COL26A1: variants seen among roughly 807,000 people sequenced by gnomAD.
COL26A1 encodes the protein collagen alpha-1(XXVI) chain.
Under a neutral mutation model 59.3 loss-of-function variants are expected in COL26A1, and 41 were observed. That is an observed-to-expected ratio of 0.69 (90% CI 0.54 to 0.90). The LOEUF is 0.90. Ranked by LOEUF, COL26A1 falls within the 40% of genes least tolerant of loss-of-function variation. The probability of loss-of-function intolerance (pLI) is 0.00; values close to 1 mark genes in which losing one functional copy is unlikely to be tolerated. For missense variants in COL26A1, 612 were observed against 602.3 expected (o/e 1.02, Z -0.17); for synonymous variants, 266 against 256.0 (o/e 1.04, Z -0.37).
intron 3 of COL26A1, among the ~76,000 whole-genome samples, chr7:101,495,697 G>A (rs1187324469): frequency 6.6e-6 from 1 of 151,118 alleles, no homozygotes; most frequent in Non-Finnish European, 1.5e-5. Context: ...GGGATTACAG[G>A]CATGAGCCAC....
At chr7:101,371,954 C>T (rs1791204763) in intron 1 of COL26A1, among the ~76,000 whole-genome samples, 2 of 152,090 alleles carry the variant, frequency 1.3e-5, no homozygotes, top group Admixed American at 6.6e-5. Flanking sequence ...GTCTTTGTGC[C>T]TCAGTTTTCT....
At chr7:101,453,273 A>C (rs1793387936) in intron 3 of COL26A1, among the ~76,000 whole-genome samples, 1 of 152,206 alleles carries the variant, frequency 6.6e-6, no homozygotes, top group African/African-American at 2.4e-5. Flanking sequence ...AGGCTGAGGC[A>C]GGAGAATCAC....
At chr7:101,535,411 GC>G (rs1362746531) in intron 4 of COL26A1, among the ~76,000 whole-genome samples, 28 of 152,206 alleles carry the variant, frequency 1.8e-4, no homozygotes, top group Non-Finnish European at 4.0e-4. Flanking sequence ...CCTGGCCTCA[GC>G]CCAGTATTGT....
At chr7:101,486,188 T>C (rs918942311) in intron 3 of COL26A1, among the ~76,000 whole-genome samples, 73 of 148,462 alleles carry the variant, frequency 4.9e-4, no homozygotes, top group Admixed American at 9.4e-4. Flanking sequence ...AAAAAAAAAG[T>C]AGTCTCAGAT....
intron 3 of COL26A1, among the ~76,000 whole-genome samples, chr7:101,502,584 A>G (rs1213059946): frequency 2.0e-5 from 3 of 152,132 alleles, no homozygotes; most frequent in Non-Finnish European, 2.9e-5. Context: ...TGCTGTGGAG[A>G]ACACAGGACC....
chr7:101,549,163 GC>G lies in COL26A1; in HGVS notation c.941-5del. 2.9e-5 allele frequency: 46 copies of G among 1,575,762 alleles called. No individual in the cohort carries two copies. Among genetic ancestry groups the G allele is most frequent in the Non-Finnish European group, 4.0e-5 (46 of 1,161,620 alleles). Reference sequence around the variant, plus strand: ...GCCCCAGGTGACCATCTGTGACTCTGCCCACAGGTCCCCCTGGGCCTCGAGG... The same window carrying G: ...GCCCCAGGTGACCATCTGTGACTCTGCCACAGGTCCCCCTGGGCCTCGAGG... On this transcript the variant is annotated splice_region_variant and splice_polypyrimidine_tract_variant and intron_variant, in intron 8 of 12. Transcript: ENST00000313669.
At chr7:101,393,405 G>A (rs1180505651) in intron 1 of COL26A1, among the ~76,000 whole-genome samples, 1 of 152,152 alleles carries the variant, frequency 6.6e-6, no homozygotes, top group Non-Finnish European at 1.5e-5. Context: ...CAGCACGGGA[G>A]AAAGATGTGG....
In COL26A1 at chr7:101,489,830, CTTT is replaced by C. The variant is rs1563008154; in HGVS notation, c.385+42044_385+42046del. On this transcript the variant is annotated intron_variant, in intron 3 of 12. Coordinates refer to ENST00000313669, the MANE Select transcript of COL26A1 (RefSeq NM_001278563.3). ...TCTTTCTTTCTTTCTTTCTTTCTTT[CTTT>C]CTTTCTTTCTTTCTTTCTTTCTTTC... Among the ~76,000 whole-genome samples the C allele has an allele frequency of 2.4e-3, 28 of 11,570 alleles. 3 individuals are homozygous for C. The highest frequency in any genetic ancestry group is 5.9e-3 in the Admixed American group (6 of 1,022). 7.6% of individuals were successfully genotyped at this position (11,570 alleles called of 152,430 possible).
chr7:101,489,138 T>A (rs1205134072), intron 3 of COL26A1, among the ~76,000 whole-genome samples: 1 of 152,216 alleles, frequency 6.6e-6, no homozygotes, highest in African/African-American at 2.4e-5. Context: ...CTTTGACACA[T>A]GTTCATTTTC....
chr7:101,363,952 G>T (rs949754089), intron 1 of COL26A1, among the ~76,000 whole-genome samples: 1 of 152,166 alleles, frequency 6.6e-6, no homozygotes, highest in African/African-American at 2.4e-5. Flanking sequence ...CAGTCTTTGG[G>T]GCTGAGGCCG....
Position 101,369,443 on chromosome 7 carries a change from C to CT in COL26A1, c.158+6276dup, listed in dbSNP as rs1210867917. On this transcript the variant is annotated intron_variant, in intron 1 of 12. Coordinates refer to ENST00000313669, the MANE Select transcript of COL26A1 (RefSeq NM_001278563.3). ...TAAATAAAGCAAAGGTAATCTGCAT[C>CT]TTTTTTTTTTTTTTTTTTTTTTTGA... is the stretch of plus-strand genomic sequence containing the variant. Among the ~76,000 whole-genome samples the CT allele has an allele frequency of 7.0e-3, 532 of 75,892 alleles. 13 individuals are homozygous for CT. Among genetic ancestry groups the CT allele is most frequent in the Non-Finnish European group, 8.2e-3 (367 of 44,886 alleles). 49.8% of individuals were successfully genotyped at this position (75,892 alleles called of 152,430 possible).
chr7:101,378,942 G>A (rs1160983626), intron 1 of COL26A1, among the ~76,000 whole-genome samples: 3 of 151,970 alleles, frequency 2.0e-5, no homozygotes, highest in African/African-American at 4.8e-5. Context: ...CCCTGGAGGC[G>A]ACCAGGCCTG....
chr7:101,532,922 C>T (rs1420306501), intron 3 of COL26A1, among the ~76,000 whole-genome samples, 160 bp from the exon 4 acceptor site: 1 of 152,092 alleles, frequency 6.6e-6, no homozygotes, highest in Non-Finnish European at 1.5e-5. Flanking sequence ...GAGGAGGGGG[C>T]TCTGAGGGTA....
intron 1 of COL26A1, among the ~76,000 whole-genome samples, chr7:101,394,473 A>T (rs1791805192): frequency 6.6e-6 from 1 of 152,026 alleles, no homozygotes; most frequent in South Asian, 2.1e-4. Context: ...ATGGTACAAT[A>T]ATAGCTCACT....
chr7:101,368,103 C>T (rs769685344), intron 1 of COL26A1, among the ~76,000 whole-genome samples: 1 of 152,030 alleles, frequency 6.6e-6, no homozygotes, highest in Non-Finnish European at 1.5e-5. Context: ...GTTCATCTGT[C>T]CTCTTTATTT....
At chr7:101,511,244 G>A (rs898626755) in intron 3 of COL26A1, among the ~76,000 whole-genome samples, 2 of 152,176 alleles carry the variant, frequency 1.3e-5, no homozygotes. Context: ...AGTTCAAGTC[G>A]ACATCAGGTG....
rs377359821 is a variant in COL26A1 at position 101,450,766 on chromosome 7, T to C, written c.385+2979T>C. ...ATATTCTATATGAATATGAATTCCA[T>C]AGTCTATATGAATATGAATTCCATA... On this transcript the variant is annotated intron_variant, in intron 3 of 12. Transcript: ENST00000313669. 8.7e-5 allele frequency among the ~76,000 whole-genome samples: 9 copies of C among 103,626 alleles called. No individual in the cohort carries two copies. In the East Asian group the frequency reaches 1.0e-3, roughly 12 times the overall value. 68.0% of individuals were successfully genotyped at this position (103,626 alleles called of 152,430 possible). A position where few individuals can be genotyped will look rare whatever the true frequency, so the allele number is the denominator to read the frequency against.
At chr7:101,398,775 G>A (rs561118467) in intron 1 of COL26A1, among the ~76,000 whole-genome samples, 2 of 152,148 alleles carry the variant, frequency 1.3e-5, no homozygotes, top group African/African-American at 4.8e-5. Context: ...CGCTGCAGAG[G>A]AGGGGGTCGA....
At position 101,380,054 on chromosome 7, in the gene COL26A1, C is replaced by T. The variant is rs188956933; in HGVS notation, c.158+16864C>T. On this transcript the variant is annotated intron_variant, in intron 1 of 12. Coordinates refer to ENST00000313669, the MANE Select transcript of COL26A1 (RefSeq NM_001278563.3). Reference sequence around the variant, plus strand: ...TTGCCCAGTCAGGAGTGCAGTGGTGCGATCTCGGCTCACTGCAACCTCTGC... The same window carrying T: ...TTGCCCAGTCAGGAGTGCAGTGGTGTGATCTCGGCTCACTGCAACCTCTGC... Among the ~76,000 whole-genome samples the T allele has an allele frequency of 2.6e-4, 39 of 152,178 alleles. No individual in the cohort carries two copies. In the East Asian group the frequency reaches 6.6e-3, roughly 26 times the overall value.
Sources: allele counts gnomAD v4.1 joint callset (sites outside exome capture counted in the v4.1 genomes callset), GRCh38; gene constraint gnomAD v4.1.1; transcripts MANE v1.5; gene names NCBI Gene and HGNC (gene_info 2026-07-23, HGNC 2026-07-21).